Variants in ABCG1 observed in about 807,000 individuals in gnomAD.
ABCG1 encodes ATP-binding cassette sub-family G member 1.
ABCG1 carries 29 observed loss-of-function variants against 69.2 expected under a neutral mutation model. The observed-to-expected ratio is 0.42, with a 90% confidence interval of 0.31 to 0.57. The LOEUF (loss-of-function observed/expected upper bound fraction) is 0.57, where lower values mean the gene tolerates loss of function less well. ABCG1 is among the 20% of genes least tolerant of loss of function. The probability of loss-of-function intolerance (pLI) is 0.15; values close to 1 mark genes in which losing one functional copy is unlikely to be tolerated. For synonymous variants in ABCG1, 370 were observed against 374.8 expected (o/e 0.99, Z 0.15); for missense variants, 718 against 898.1 (o/e 0.80, Z 2.56).
chr21:42,230,729 G>A (rs1203907319), intron 2 of ABCG1, among the ~76,000 whole-genome samples: 4 of 152,320 alleles, frequency 2.6e-5, no homozygotes, highest in East Asian at 1.9e-4. Flanking sequence ...TTGGGTACTC[G>A]TACACTGCCC....
chr21:42,216,036 G>A, upstream of ABCG1: 1 of 352,086 alleles, frequency 2.8e-6, no homozygotes, highest in Admixed American at 3.0e-5. Context: ...TCTTTCCCAT[G>A]CTATTCTCAT....
intron 2 of ABCG1, among the ~76,000 whole-genome samples, chr21:42,243,516 G>A (rs370279373): frequency 9.9e-5 from 15 of 151,530 alleles, no homozygotes; most frequent in African/African-American, 2.9e-4. Flanking sequence ...TCACCTGGGC[G>A]GGATAAAGAA....
intron 2 of ABCG1, among the ~76,000 whole-genome samples, chr21:42,257,253 A>C (rs942333052): frequency 6.6e-6 from 1 of 152,164 alleles, no homozygotes; most frequent in Admixed American, 6.5e-5. Flanking sequence ...ATTCCTTCAG[A>C]AGCGTTTCTC....
intron 2 of ABCG1, among the ~76,000 whole-genome samples, chr21:42,205,339 C>A (rs1220367677): frequency 6.6e-6 from 1 of 152,094 alleles, no homozygotes; most frequent in Non-Finnish European, 1.5e-5. Context: ...TGGCTCATGC[C>A]TGCAATCCCA....
Position 42,288,176 on chromosome 21 carries a change from G to T in ABCG1, c.1123-35G>T, listed in dbSNP as rs373625495. On this transcript the variant is annotated intron_variant, in intron 9 of 14. Coordinates refer to ENST00000398449, the MANE Select transcript of ABCG1 (RefSeq NM_016818.3). The surrounding 1 kb of genome is among the most constrained non-coding windows in gnomAD (Gnocchi z 4.8). ...AAGAAGGAGCCGTGGCTCCGGACTG[G>T]CTTTCACCCGCTCCCCTCTTGCGTG... 8 of 1,612,272 alleles carry T rather than the reference G, an allele frequency of 5.0e-6. No homozygotes were observed. Among genetic ancestry groups the T allele is most frequent in the Non-Finnish European group, 6.8e-6 (8 of 1,178,284 alleles).
chr21:42,275,532 C>A (rs1050598868), intron 4 of ABCG1, among the ~76,000 whole-genome samples: 1 of 152,230 alleles, frequency 6.6e-6, no homozygotes, highest in African/African-American at 2.4e-5. Context: ...ACAGCTCCTG[C>A]GTCTTGGGTA....
rs1302019177 is a variant in ABCG1 at position 42,276,821 on chromosome 21, C to A, written c.538-74C>A. 7 of 1,495,514 alleles carry A rather than the reference C, an allele frequency of 4.7e-6. No individual in the cohort carries two copies. The highest frequency in any genetic ancestry group is 6.5e-6 in the Non-Finnish European group (7 of 1,076,192). The allele number at this position is 1,495,514 out of a possible 1,614,324, so 92.6% of individuals were successfully genotyped here. A position where few individuals can be genotyped will look rare whatever the true frequency, so the allele number is the denominator to read the frequency against. On this transcript the variant is annotated intron_variant, in intron 4 of 14. Coordinates refer to ENST00000398449, the MANE Select transcript of ABCG1 (RefSeq NM_016818.3). The surrounding 1 kb of genome is among the most constrained non-coding windows in gnomAD (Gnocchi z 5.3). ...TCTTGGCTAGCTGCACCGTGGCCTG[C>A]AGTGCGGGCATGAGGCTCACACTGC... is the stretch of plus-strand genomic sequence containing the variant.
chr21:42,248,047 T>C (rs1601388619), intron 2 of ABCG1, among the ~76,000 whole-genome samples: 1 of 152,086 alleles, frequency 6.6e-6, no homozygotes, highest in East Asian at 1.9e-4. Flanking sequence ...ACTAATATTA[T>C]ACAAAAGAAA....
chr21:42,234,798 A>C (rs990391711), intron 2 of ABCG1, among the ~76,000 whole-genome samples: 10 of 151,784 alleles, frequency 6.6e-5, no homozygotes, highest in Non-Finnish European at 1.2e-4. Context: ...GCGCTGCCGG[A>C]GCCCCTCGCG....
intron 2 of ABCG1, among the ~76,000 whole-genome samples, chr21:42,206,109 A>C (rs1336478711): frequency 6.6e-6 from 1 of 152,204 alleles, no homozygotes; most frequent in African/African-American, 2.4e-5. Context: ...ATGTAATCCC[A>C]GCACTTTGGG....
At chr21:42,245,495 G>T (rs887850811) in intron 2 of ABCG1, among the ~76,000 whole-genome samples, 8 of 152,176 alleles carry the variant, frequency 5.3e-5, no homozygotes, top group Admixed American at 5.2e-4. Context: ...TTGAAGGGTG[G>T]GTGCGGCCAC....
In ABCG1 at chr21:42,248,371, C is replaced by T. The variant is rs1176669063; in HGVS notation, c.286+22457C>T. On this transcript the variant is annotated intron_variant, in intron 2 of 14. Coordinates refer to ENST00000398449, the MANE Select transcript of ABCG1 (RefSeq NM_016818.3). Reference sequence around the variant, plus strand: ...GAGGGAAGCGAAGTGAAGTGCAGTTCTGTCTAAACTAGAGAACCCTGGAGC... The same window carrying T: ...GAGGGAAGCGAAGTGAAGTGCAGTTTTGTCTAAACTAGAGAACCCTGGAGC... 3.9e-5 allele frequency among the ~76,000 whole-genome samples: 6 copies of T among 152,274 alleles called. No individual in the cohort carries two copies. In the East Asian group the frequency reaches 1.2e-3, roughly 29 times the overall value.
chr21:42,239,352 A>G (rs908031941), intron 2 of ABCG1, among the ~76,000 whole-genome samples: 14 of 152,242 alleles, frequency 9.2e-5, no homozygotes, highest in African/African-American at 2.4e-4. Flanking sequence ...CCCTTCTTAT[A>G]TGTGATGTAA....
At chr21:42,242,697 T>A (rs567424304) in intron 2 of ABCG1, among the ~76,000 whole-genome samples, 1 of 152,192 alleles carries the variant, frequency 6.6e-6, no homozygotes, top group African/African-American at 2.4e-5. Flanking sequence ...GGCTCTTGTG[T>A]TATTTCACAC....
At chr21:42,221,486 C>T (rs1471475414) in intron 1 of ABCG1, among the ~76,000 whole-genome samples, 1 of 152,006 alleles carries the variant, frequency 6.6e-6, no homozygotes, top group Non-Finnish European at 1.5e-5. Context: ...TGCTGGAGCC[C>T]CTGAGTTCGG....
At chr21:42,210,959 C>CTTCTTCTTCTTCT (rs772743532) in intron 2 of ABCG1, among the ~76,000 whole-genome samples, 2,218 of 137,336 alleles carry the variant, frequency 0.016, 71 homozygotes, top group African/African-American at 0.056. Context: ...TTTCTTTCTT[C>CTTCTTCTTCTTCT]TTTTTTTTTT....
upstream of ABCG1, chr21:42,216,287 C>T: frequency 3.0e-6 from 1 of 334,752 alleles, no homozygotes; most frequent in Admixed American, 3.4e-5. Context: ...GAAGTGGCTC[C>T]CCACTGGAAA....
chr21:42,259,205 C>T (rs2068361457), intron 2 of ABCG1: 17 of 1,424,590 alleles, frequency 1.2e-5, no homozygotes, highest in Admixed American at 5.9e-5. Context: ...TCCCAGATGT[C>T]GCTGGTGCTG....
At chr21:42,268,729 C>T (rs2068562397) in intron 2 of ABCG1, among the ~76,000 whole-genome samples, 1 of 152,194 alleles carries the variant, frequency 6.6e-6, no homozygotes, top group South Asian at 2.1e-4. Context: ...CAGTTGTGTG[C>T]ACTCTCTGTT....
Sources: gnomAD v4.1 joint callset for allele counts (sites outside exome capture counted in the v4.1 genomes callset) on GRCh38, gnomAD v4.1.1 for gene constraint, Gnocchi (gnomAD v3.1) non-coding constraint, MANE v1.5 for transcripts, NCBI Gene and HGNC (gene_info 2026-07-23, HGNC 2026-07-21) for gene names.